The following VKORC1L1 variants were observed in gnomAD, a reference collection of about 807,000 sequenced individuals.
The protein encoded by VKORC1L1 is vitamin K epoxide reductase complex subunit 1L1, also known as vitamin K epoxide reductase complex subunit 1-like protein 1.
In VKORC1L1, 2 loss-of-function variants were observed where a neutral mutation model predicts 18.9. The ratio of observed to expected loss-of-function variants is 0.11; its 90% CI spans 0.04 to 0.33. The LOEUF (loss-of-function observed/expected upper bound fraction) is 0.33. Ranked by LOEUF, VKORC1L1 falls within the 10% of genes least tolerant of loss-of-function variation. VKORC1L1 has a pLI of 1.00. For missense variants in VKORC1L1, 123 were observed against 224.1 expected (o/e 0.55, Z 2.88); for synonymous variants, 96 against 100.0 (o/e 0.96, Z 0.24).
chr7:65,880,893 C>A (rs961385453), intron 1 of VKORC1L1, among the ~76,000 whole-genome samples: 2 of 152,120 alleles, frequency 1.3e-5, no homozygotes, highest in African/African-American at 2.4e-5. Context: ...AGCTTTTCTT[C>A]TATAAAGTTA....
intron 1 of VKORC1L1, among the ~76,000 whole-genome samples, chr7:65,896,024 T>C (rs1789205425): frequency 6.7e-6 from 1 of 150,330 alleles, no homozygotes; most frequent in African/African-American, 2.5e-5. Flanking sequence ...GCTTCCCAAG[T>C]AGCTGGGATT....
chr7:65,929,575 CG>C (rs1253007032), intron 1 of VKORC1L1, among the ~76,000 whole-genome samples: 9 of 150,776 alleles, frequency 6.0e-5, no homozygotes, highest in African/African-American at 2.0e-4. Flanking sequence ...AAAACTGTTT[CG>C]GCTTTTCTAG....
At chr7:65,905,471 G>A (rs1446426813) in intron 1 of VKORC1L1, among the ~76,000 whole-genome samples, 5 of 151,696 alleles carry the variant, frequency 3.3e-5, no homozygotes, top group Admixed American at 2.0e-4. Flanking sequence ...CACCACACTC[G>A]GCTAATTTTT....
chr7:65,890,642 C>T (rs1179990828), intron 1 of VKORC1L1, among the ~76,000 whole-genome samples: 2 of 152,206 alleles, frequency 1.3e-5, no homozygotes, highest in Non-Finnish European at 2.9e-5. Context: ...AACATTTTTG[C>T]ATATCTTCAG....
chr7:65,875,116 T>C (rs1788804145), intron 1 of VKORC1L1, among the ~76,000 whole-genome samples: 1 of 152,168 alleles, frequency 6.6e-6, no homozygotes, highest in South Asian at 2.1e-4. Context: ...AAAATAAGAT[T>C]TGCTAATAAG....
intron 1 of VKORC1L1, among the ~76,000 whole-genome samples, chr7:65,926,777 A>G (rs144169014): frequency 7.9e-5 from 12 of 152,316 alleles, no homozygotes; most frequent in African/African-American, 2.9e-4. Context: ...CAGCCATAAA[A>G]AGGAATAAAG....
chr7:65,936,683 G>A (rs1366509231), intron 1 of VKORC1L1, among the ~76,000 whole-genome samples: 3 of 152,206 alleles, frequency 2.0e-5, no homozygotes, highest in Non-Finnish European at 4.4e-5. Flanking sequence ...GCTTGTGTTA[G>A]TTCCTACACA....
At chr7:65,914,770 C>T (rs1311430787) in intron 1 of VKORC1L1, among the ~76,000 whole-genome samples, 3 of 152,080 alleles carry the variant, frequency 2.0e-5, no homozygotes, top group Non-Finnish European at 4.4e-5. Flanking sequence ...GAGGTTGAAG[C>T]GGGAGGATAG....
intron 1 of VKORC1L1, among the ~76,000 whole-genome samples, chr7:65,882,215 A>C (rs1311465144): frequency 6.6e-6 from 1 of 151,958 alleles, no homozygotes; most frequent in Non-Finnish European, 1.5e-5. Flanking sequence ...CCCCATCTCT[A>C]CTAAAAATAC....
At chr7:65,907,959 G>C (rs1789433129) in intron 1 of VKORC1L1, among the ~76,000 whole-genome samples, 1 of 152,030 alleles carries the variant, frequency 6.6e-6, no homozygotes, top group South Asian at 2.1e-4. Flanking sequence ...ATGTGCTCTG[G>C]TCCCAGCTTT....
At chr7:65,951,594 A>T (rs1014295480) in intron 2 of VKORC1L1, among the ~76,000 whole-genome samples, 1 of 151,610 alleles carries the variant, frequency 6.6e-6, no homozygotes, top group Non-Finnish European at 1.5e-5. Context: ...ATATATATAT[A>T]TATACATATA....
intron 1 of VKORC1L1, among the ~76,000 whole-genome samples, chr7:65,903,799 C>T (rs1789360230): frequency 6.8e-6 from 1 of 147,450 alleles, no homozygotes; most frequent in Non-Finnish European, 1.5e-5. Context: ...AAAAGGCCTA[C>T]TGGAACTTGT....
chr7:65,954,363 G>GT lies in VKORC1L1; in HGVS notation c.*68dup, dbSNP rs769173864. On this transcript the variant is annotated 3_prime_UTR_variant, in exon 3 of 3. Coordinates refer to ENST00000360768, the MANE Select transcript of VKORC1L1 (RefSeq NM_173517.6). The stretch of plus-strand genomic sequence containing the variant: ...TTCCATTCAGTTTATTTTGCAGCAG[G>GT]TTTTTATTATTATTATTATTATTAT... 1.3e-6 allele frequency: 2 copies of GT among 1,525,820 alleles called. No individual in the cohort carries two copies. Among genetic ancestry groups the GT allele is most frequent in the Non-Finnish European group, 1.8e-6 (2 of 1,142,570 alleles). The allele number at this position is 1,525,820 out of a possible 1,614,324, so 94.5% of individuals were successfully genotyped here. A position where few individuals can be genotyped will look rare whatever the true frequency, so the allele number is the denominator to read the frequency against.
chr7:65,924,505 T>G (rs541479530), intron 1 of VKORC1L1, among the ~76,000 whole-genome samples: 4 of 152,372 alleles, frequency 2.6e-5, no homozygotes, highest in African/African-American at 9.6e-5. Flanking sequence ...ATGACTATTC[T>G]ATAATATTAT....
chr7:65,956,579 G>A lies in VKORC1L1; in HGVS notation c.*2279G>A, dbSNP rs559840481. On this transcript the variant is annotated 3_prime_UTR_variant, in exon 3 of 3. Transcript: ENST00000360768. The stretch of plus-strand genomic sequence containing the variant: ...TTTGCCACATTCCTATGGCCCAGTC[G>A]AATTAATACCCTTTTTCTCACTGAG... 63 of 152,272 alleles carry A rather than the reference G, an allele frequency of 4.1e-4. No individual in the cohort carries two copies. The highest frequency in any genetic ancestry group is 3.4e-3 in the Middle Eastern group (1 of 292). The allele number at this position is 152,272 out of a possible 1,614,324, so 9.4% of individuals were successfully genotyped here. A position where few individuals can be genotyped will look rare whatever the true frequency, so the allele number is the denominator to read the frequency against.
rs1423987462 is a variant in VKORC1L1 at position 65,874,179 on chromosome 7, T to G, written c.194+614T>G. ...GGTGACATTTGCTGGCAAACACGAA[T>G]TTGACCCTACTGTGGAAGAAGATAC... On this transcript the variant is annotated intron_variant, in intron 1 of 2. Transcript: ENST00000360768. 2.0e-5 allele frequency among the ~76,000 whole-genome samples: 3 copies of G among 152,108 alleles called. No individual in the cohort carries two copies. The East Asian group carries it at 5.8e-4, about 30-fold the overall frequency.
At chr7:65,918,511 T>A (rs1290219815) in intron 1 of VKORC1L1, among the ~76,000 whole-genome samples, 2 of 152,184 alleles carry the variant, frequency 1.3e-5, no homozygotes, top group Non-Finnish European at 2.9e-5. Flanking sequence ...GTGGTCTGGG[T>A]TGATTTAAGA....
chr7:65,915,344 G>T (rs1789570211), intron 1 of VKORC1L1, among the ~76,000 whole-genome samples: 1 of 151,462 alleles, frequency 6.6e-6, no homozygotes, highest in Admixed American at 6.6e-5. Flanking sequence ...ACCCACCTCA[G>T]CCTCCCAAAG....
intron 1 of VKORC1L1, among the ~76,000 whole-genome samples, chr7:65,893,436 G>A (rs1789140929): frequency 6.6e-6 from 1 of 152,202 alleles, no homozygotes; most frequent in Admixed American, 6.5e-5. Context: ...AGCTACTTGG[G>A]AGGCTGAGGC....
Sources: gnomAD v4.1 joint callset for allele counts (sites outside exome capture counted in the v4.1 genomes callset) on GRCh38, gnomAD v4.1.1 for gene constraint, MANE v1.5 for transcripts, NCBI Gene and HGNC (gene_info 2026-07-23, HGNC 2026-07-21) for gene names.